Variants in PRAMEF4 observed in about 807,000 individuals in gnomAD.
PRAMEF4 encodes the protein PRAME family member 4, also known as RP5-845O24.6.
A neutral mutation model predicts 34.4 loss-of-function variants in PRAMEF4; 18 were observed. The ratio of observed to expected loss-of-function variants is 0.52; its 90% CI spans 0.36 to 0.78. The LOEUF (loss-of-function observed/expected upper bound fraction) is 0.78, where lower values mean the gene tolerates loss of function less well. Ranked by LOEUF, PRAMEF4 falls within the 30% of genes least tolerant of loss-of-function variation. The pLI, the probability that PRAMEF4 is intolerant of heterozygous loss-of-function variation, is 0.00. For missense variants in PRAMEF4, 482 were observed against 569.1 expected, an observed-to-expected ratio of 0.85 and a Z score of 1.56; for synonymous variants, 156 against 219.3, an observed-to-expected ratio of 0.71 and a Z score of 2.55.
chr1:12,882,771 A>G (rs1463595182), intron 2 of PRAMEF4, among the ~76,000 whole-genome samples: 2 of 147,804 alleles, frequency 1.4e-5, no homozygotes, highest in African/African-American at 5.1e-5. Context: ...TAGTATTTTT[A>G]GTAGAGTTGG....
intron 1 of PRAMEF4, among the ~76,000 whole-genome samples, chr1:12,884,270 G>A (rs1640951661): frequency 6.7e-6 from 1 of 148,450 alleles, no homozygotes; most frequent in African/African-American, 2.5e-5. Context: ...ACCCCTCTTG[G>A]CCTCCCAACA....
Position 12,881,147 on chromosome 1 carries a change from C to T in PRAMEF4, c.875+707G>A, listed in dbSNP as rs567964375. ...TTGGGAGTCCATGGTGGGTGGATCA[C>T]CTGAAGTCAGGAGTTGGAGAATAAC... is the stretch of plus-strand genomic sequence containing the variant. On this transcript the variant is annotated intron_variant, in intron 3 of 3. Transcript: ENST00000235349. Among the ~76,000 whole-genome samples, 2 of 148,142 alleles carry T rather than the reference C, an allele frequency of 1.4e-5. 1 individual carries two copies. The highest frequency in any genetic ancestry group is 1.4e-4 in the Admixed American group (2 of 14,382).
rs536569368 is a variant in PRAMEF4 at position 12,885,831 on chromosome 1, T to A, written c.-17+316A>T. Among the ~76,000 whole-genome samples the A allele has an allele frequency of 3.5e-4, 50 of 143,196 alleles. 3 individuals carry two copies. Among genetic ancestry groups the A allele is most frequent in the African/African-American group, 1.3e-3 (49 of 37,638 alleles). 93.9% of individuals were successfully genotyped at this position (143,196 alleles called of 152,430 possible). A position where few individuals can be genotyped will look rare whatever the true frequency, so the allele number is the denominator to read the frequency against. On this transcript the variant is annotated intron_variant, in intron 1 of 3. Coordinates refer to ENST00000235349, the MANE Select transcript of PRAMEF4 (RefSeq NM_001009611.4). ...GTGCAGAGGAGGGTTTTTGTCATGT[T>A]GTCCAGGTTGGTCTCAAATCCCTGG...
At chr1:12,883,459 C>G in intron 1 of PRAMEF4, 49 bp from the exon 2 acceptor site, 1 of 1,596,208 alleles carries the variant, frequency 6.3e-7, no homozygotes, top group South Asian at 1.1e-5. Flanking sequence ...GGGCCAAGCC[C>G]ATGCAATCTC....
chr1:12,884,705 T>G (rs897367591), intron 1 of PRAMEF4, among the ~76,000 whole-genome samples: 1 of 147,608 alleles, frequency 6.8e-6, no homozygotes, highest in East Asian at 2.0e-4. Context: ...ATAGGCTAGA[T>G]TGAACAGAGA....
At chr1:12,881,037 CACTTCACTTCCCT>C (rs1214608872) in intron 3 of PRAMEF4, among the ~76,000 whole-genome samples, 1 of 148,204 alleles carries the variant, frequency 6.7e-6, no homozygotes, top group Non-Finnish European at 1.5e-5. Flanking sequence ...CTTCAGTGCC[CACTTCACTTCCCT>C]ACTTCACATC....
At chr1:12,881,360 C>G (rs1360811103) in intron 3 of PRAMEF4, among the ~76,000 whole-genome samples, 1 of 148,422 alleles carries the variant, frequency 6.7e-6, no homozygotes, top group African/African-American at 2.5e-5. Context: ...AAGAGAAACT[C>G]CATCTCAGAA....
At chr1:12,885,435 C>A (rs1640983602) in intron 1 of PRAMEF4, among the ~76,000 whole-genome samples, 1 of 149,862 alleles carries the variant, frequency 6.7e-6, no homozygotes, top group African/African-American at 2.5e-5. Context: ...GCATGGCTCA[C>A]TGCAGCCTCA....
At chr1:12,881,327 C>A (rs1250067859) in intron 3 of PRAMEF4, among the ~76,000 whole-genome samples, 1 of 148,706 alleles carries the variant, frequency 6.7e-6, no homozygotes, top group South Asian at 2.1e-4. Flanking sequence ...GATGTCACAA[C>A]TGCACTGTAG....
At chr1:12,883,620 C>T (rs186806136) in intron 1 of PRAMEF4, among the ~76,000 whole-genome samples, 7 of 148,356 alleles carry the variant, frequency 4.7e-5, no homozygotes, top group South Asian at 2.2e-4. Flanking sequence ...GGAAGCAGGG[C>T]CACCACGAGC....
chr1:12,885,816 G>A (rs1474333549), intron 1 of PRAMEF4, among the ~76,000 whole-genome samples: 1 of 144,872 alleles, frequency 6.9e-6, no homozygotes, highest in Non-Finnish European at 1.5e-5. Context: ...GTGCAGAGGA[G>A]GGTTTTTGTC....
rs772459901 is a variant in PRAMEF4, at chr1:12,881,889, A to C, written c.840T>G (p.Val280=). 1.3e-6 allele frequency: 2 copies of C among 1,594,738 alleles called. No homozygotes were observed. Among genetic ancestry groups the C allele is most frequent in the African/African-American group, 1.4e-5 (1 of 71,934 alleles). ...RCLQKLYMNS[V]SFLEGHLDQL... Reference sequence around the variant, plus strand: ...GGTCCAGGTGGCCTTCGAGGAAAGAAACAGAGTTCATATAAAGCTTTTGGA... The same window carrying C: ...GGTCCAGGTGGCCTTCGAGGAAAGACACAGAGTTCATATAAAGCTTTTGGA... The change falls in exon 3 of 4, where the codon GTT becomes GTG. Residue 280 remains valine, a synonymous_variant. Coordinates refer to ENST00000235349, the MANE Select transcript of PRAMEF4 (RefSeq NM_001009611.4).
rs1248101639 is a variant in PRAMEF4 at position 12,881,975 on chromosome 1, G to C, written c.754C>G (p.Pro252Ala). 6.3e-7 allele frequency: 1 copy of C among 1,587,258 alleles called. No individual in the cohort carries two copies. The part of the protein sequence containing the change: ...SHMDVSRYVS[P>A]EQKKEIVTQF... ...GTAACAATCTCCTTCTTCTGCTCTG[G>C]GGAAACGTAGCGAGAGACATCCATG... is the stretch of plus-strand genomic sequence containing the variant. The change falls in exon 3 of 4, where the codon CCA becomes GCA. Residue 252 changes from proline (P) to alanine (A), a missense_variant. Pro to Ala is a conservative substitution (Grantham distance 27). Around this residue, in one of 6 missense-constraint regions of PRAMEF4, gnomAD observed 81 missense variants for 73.1 expected, o/e 1.11. Transcript: ENST00000235349.
At position 12,879,730 on chromosome 1, in the gene PRAMEF4, G is replaced by T. The variant is rs1640848922; in HGVS notation, c.1251C>A (p.Ala417=). 1.2e-6 allele frequency: 2 copies of T among 1,603,284 alleles called. No individual in the cohort carries two copies. The highest frequency in any genetic ancestry group is 8.5e-7 in the Non-Finnish European group (1 of 1,175,554). ...LKNLCVELYP[A]PRESYGADGT... ...CATCAGCACCATAACTCTCCCGGGG[G>T]GCAGGATACAGCTCCACGCATAAGT... Residue 417 remains alanine (A), a synonymous_variant, in exon 4 of 4, where the codon GCC becomes GCA. Coordinates refer to ENST00000235349, the MANE Select transcript of PRAMEF4 (RefSeq NM_001009611.4).
rs768002343 is a variant in PRAMEF4, at chr1:12,882,079, T to G, written c.650A>C (p.Lys217Thr). The G allele has an allele frequency of 4.7e-5, 74 of 1,588,056 alleles. 5 individuals are homozygous for G. The highest frequency in any genetic ancestry group is 6.0e-5 in the Non-Finnish European group (70 of 1,172,780). Residue 217 changes from lysine (K) to threonine (T), a missense_variant, in exon 3 of 4, where the codon AAG becomes ACG. This residue lies in a region of PRAMEF4 where 81 missense variants were observed against 73.1 expected (regional missense o/e 1.11). Transcript: ENST00000235349. Reference protein sequence around the residue: ...DCIQEVEVNCKWVLPILTQFT... With the variant: ...DCIQEVEVNCTWVLPILTQFT... ...CTGTGTCAGGATGGGCAGTACCCAC[T>G]TGCAATTCACTTCCACCTCCTGGAT...
rs780124560 is a variant in PRAMEF4 at position 12,883,246 on chromosome 1, C to T, written c.149G>A (p.Arg50His). 6.3e-6 allele frequency: 10 copies of T among 1,599,288 alleles called. 4 individuals are homozygous for T. Among genetic ancestry groups the T allele is most frequent in the East Asian group, 4.5e-5 (2 of 44,242 alleles). The change falls in exon 2 of 4, where the codon CGC becomes CAC. Residue 50 changes from arginine to histidine, a missense_variant. By Grantham distance (29) the Arg-to-His change is conservative (BLOSUM62 0). Around this residue, in one of 6 missense-constraint regions of PRAMEF4, gnomAD observed 172 missense variants for 130.2 expected, o/e 1.32. Coordinates refer to ENST00000235349, the MANE Select transcript of PRAMEF4 (RefSeq NM_001009611.4). ...PLFMEAFSRRRCEALKLMVQS... is the reference protein window; with the variant it reads ...PLFMEAFSRRHCEALKLMVQS... ...CACCATCAGCTTCAGGGCCTCACAG[C>T]GTCTCCTGCTGAAGGCCTCCATGAA...
chr1:12,881,101 C>G (rs532079783), intron 3 of PRAMEF4, among the ~76,000 whole-genome samples: 1 of 148,296 alleles, frequency 6.7e-6, no homozygotes, highest in South Asian at 2.1e-4. Context: ...CGTGGTAGCT[C>G]TCGCCTATAA....
rs1453253928 is a variant in PRAMEF4, at chr1:12,883,405, G to C, written c.-11C>G. The C allele has an allele frequency of 6.2e-7, 1 of 1,601,506 alleles. No individual in the cohort carries two copies. Among genetic ancestry groups the C allele is most frequent in the African/African-American group, 1.4e-5 (1 of 73,758 alleles). On this transcript the variant is annotated 5_prime_UTR_variant, in exon 2 of 4. Coordinates refer to ENST00000235349, the MANE Select transcript of PRAMEF4 (RefSeq NM_001009611.4). ...GATGCTCATCTTCATGAATCTGCAG[G>C]GAAAACTTCCAGAGGACAAACCCAG...
At chr1:12,885,606 C>A (rs572100154) in intron 1 of PRAMEF4, among the ~76,000 whole-genome samples, 1,684 of 146,368 alleles carry the variant, frequency 0.012, 70 homozygotes, top group African/African-American at 0.042. Context: ...CGTGGTGAAA[C>A]CCCACCTCTA....
Sources: allele counts gnomAD v4.1 joint callset (sites outside exome capture counted in the v4.1 genomes callset), GRCh38; gene constraint gnomAD v4.1.1; regional missense constraint gnomAD v4.1.1; transcripts MANE v1.5; gene names NCBI Gene and HGNC (gene_info 2026-07-23, HGNC 2026-07-21).